The following AFG1L variants were observed in gnomAD, a reference collection of about 807,000 sequenced individuals.
The protein encoded by AFG1L is AFG1-like ATPase.
A neutral mutation model predicts 62.2 loss-of-function variants in AFG1L; 53 were observed. The ratio of observed to expected loss-of-function variants is 0.85; its 90% CI spans 0.68 to 1.07. The LOEUF is 1.07. AFG1L is among the 50% of genes least tolerant of loss of function. The pLI is 0.00. For synonymous variants in AFG1L, 228 were observed against 210.3 expected, an observed-to-expected ratio of 1.08 and a Z score of -0.73; for missense variants, 555 against 590.5, an observed-to-expected ratio of 0.94 and a Z score of 0.62.
chr6:108,349,983 G>C (rs1027604432), intron 3 of AFG1L, among the ~76,000 whole-genome samples: 1 of 151,864 alleles, frequency 6.6e-6, no homozygotes, highest in Non-Finnish European at 1.5e-5. Flanking sequence ...AGCAACTTTG[G>C]GGGGCTGAGG....
intron 2 of AFG1L, among the ~76,000 whole-genome samples, chr6:108,335,536 G>A (rs537907619): frequency 2.8e-4 from 42 of 152,320 alleles, no homozygotes; most frequent in Non-Finnish European, 5.6e-4. Flanking sequence ...CCCTGAAGAT[G>A]CCTGGAAGGC....
intron 2 of AFG1L, among the ~76,000 whole-genome samples, chr6:108,325,729 G>A (rs552565079): frequency 2.8e-4 from 42 of 151,702 alleles, no homozygotes; most frequent in Admixed American, 2.0e-3. Context: ...CAGGTGATCC[G>A]CCCACCTCGG....
At chr6:108,465,837 C>A (rs1177951393) in intron 8 of AFG1L, among the ~76,000 whole-genome samples, 3 of 151,812 alleles carry the variant, frequency 2.0e-5, no homozygotes, top group East Asian at 1.9e-4. Context: ...TTAATTAGTT[C>A]TTTTAATTTA....
intron 6 of AFG1L, among the ~76,000 whole-genome samples, chr6:108,384,462 C>T (rs1780678847): frequency 6.6e-6 from 1 of 152,168 alleles, no homozygotes; most frequent in Non-Finnish European, 1.5e-5. Context: ...TAGTTTGAAT[C>T]CAAGCAAGAT....
intron 3 of AFG1L, among the ~76,000 whole-genome samples, chr6:108,349,554 C>T (rs770377090): frequency 2.6e-4 from 40 of 151,956 alleles, no homozygotes; most frequent in Admixed American, 1.1e-3. Flanking sequence ...GGGAGAGTAG[C>T]CTCAAAATGC....
At chr6:108,363,901 C>T (rs568989360) in intron 5 of AFG1L, among the ~76,000 whole-genome samples, 1 of 152,274 alleles carries the variant, frequency 6.6e-6, no homozygotes, top group Admixed American at 6.5e-5. Context: ...GTTTGTCACT[C>T]ATTATATGGC....
chr6:108,376,427 G>A (rs1367728855), intron 6 of AFG1L, among the ~76,000 whole-genome samples: 1 of 151,114 alleles, frequency 6.6e-6, no homozygotes, highest in Non-Finnish European at 1.5e-5. Context: ...TCTGGGATAT[G>A]GCTTTTGCTA....
Position 108,525,226 on chromosome 6 carries a change from ACTTT to A in AFG1L, c.*2806_*2809del, listed in dbSNP as rs1775282739. 1 of 152,194 alleles carries A rather than the reference ACTTT, an allele frequency of 6.6e-6. No individual in the cohort carries two copies. Among genetic ancestry groups the A allele is most frequent in the African/African-American group, 2.4e-5 (1 of 41,448 alleles). The allele number at this position is 152,194 out of a possible 1,614,324, so 9.4% of individuals were successfully genotyped here. On this transcript the variant is annotated 3_prime_UTR_variant, in exon 13 of 13. Transcript: ENST00000368977. Reference sequence around the variant, plus strand: ...AGAGGTCAAGCGGAGAAAAAGGAAAACTTTCTTTAGAGAAGAAAAAGAAAAATCT... The same window carrying A: ...AGAGGTCAAGCGGAGAAAAAGGAAAACTTTAGAGAAGAAAAAGAAAAATCT...
At chr6:108,501,307 G>A (rs567957385) in intron 10 of AFG1L, among the ~76,000 whole-genome samples, 2 of 152,124 alleles carry the variant, frequency 1.3e-5, no homozygotes, top group African/African-American at 2.4e-5. Context: ...AGAAATTTTT[G>A]ATAGTTACCA....
At chr6:108,310,192 T>C (rs964816001) in intron 1 of AFG1L, among the ~76,000 whole-genome samples, 5 of 152,194 alleles carry the variant, frequency 3.3e-5, no homozygotes, top group African/African-American at 1.2e-4. Context: ...GACGTTATTA[T>C]ACTAGACAGC....
At chr6:108,379,921 C>G (rs146948514) in intron 6 of AFG1L, among the ~76,000 whole-genome samples, 3 of 151,510 alleles carry the variant, frequency 2.0e-5, no homozygotes, top group East Asian at 3.9e-4. Flanking sequence ...GAGGGCCTCT[C>G]CATACCAGAC....
At chr6:108,501,086 T>C (rs1004644408) in intron 10 of AFG1L, among the ~76,000 whole-genome samples, 4 of 152,016 alleles carry the variant, frequency 2.6e-5, no homozygotes, top group Non-Finnish European at 5.9e-5. Flanking sequence ...CTCTGCCTCC[T>C]GGGTTCAAGC....
intron 7 of AFG1L, among the ~76,000 whole-genome samples, chr6:108,429,234 C>T (rs1183548149): frequency 6.6e-6 from 1 of 152,102 alleles, no homozygotes; most frequent in African/African-American, 2.4e-5. Context: ...TAAAGACATA[C>T]CCGAGACTAG....
chr6:108,391,387 T>C (rs916220447), intron 6 of AFG1L, among the ~76,000 whole-genome samples: 2 of 152,212 alleles, frequency 1.3e-5, no homozygotes, highest in African/African-American at 4.8e-5. Flanking sequence ...ATTAGTGATG[T>C]TGAGCATTTT....
chr6:108,369,973 T>TATCC (rs1418222615), intron 6 of AFG1L, among the ~76,000 whole-genome samples: 2 of 151,860 alleles, frequency 1.3e-5, no homozygotes, highest in Non-Finnish European at 2.9e-5. Context: ...TCTATCTATC[T>TATCC]ATCTATCTAT....
intron 6 of AFG1L, among the ~76,000 whole-genome samples, chr6:108,383,732 C>T (rs1780642698): frequency 6.6e-6 from 1 of 152,078 alleles, no homozygotes; most frequent in East Asian, 1.9e-4. Flanking sequence ...TAATTGGAGA[C>T]AGATACAGTC....
intron 1 of AFG1L, among the ~76,000 whole-genome samples, chr6:108,302,283 A>T (rs139755690): frequency 5.6e-4 from 86 of 152,310 alleles, no homozygotes; most frequent in South Asian, 2.7e-3. Context: ...CAGTTCTTGA[A>T]ACATAATTTT....
intron 10 of AFG1L, among the ~76,000 whole-genome samples, chr6:108,505,079 A>ATTTTTTTTTTT (rs34326858): frequency 7.0e-6 from 1 of 142,890 alleles, no homozygotes. Context: ...CTGAGCTTGG[A>ATTTTTTTTTTT]TTTTTTTTTT....
At chr6:108,306,106 A>G (rs1777188169) in intron 1 of AFG1L, among the ~76,000 whole-genome samples, 1 of 151,980 alleles carries the variant, frequency 6.6e-6, no homozygotes, top group Admixed American at 6.6e-5. Context: ...GTTTTGCCAT[A>G]TTGGCCAGGC....
Sources: gnomAD v4.1 joint callset for allele counts (sites outside exome capture counted in the v4.1 genomes callset) on GRCh38, gnomAD v4.1.1 for gene constraint, MANE v1.5 for transcripts, NCBI Gene and HGNC (gene_info 2026-07-23, HGNC 2026-07-21) for gene names.